The following IGSF10 variants were observed in gnomAD, a reference collection of about 807,000 sequenced individuals.
The protein encoded by IGSF10 is immunoglobulin superfamily member 10, also known as calvaria mechanical force protein 608.
In IGSF10, 126 loss-of-function variants were observed where a neutral mutation model predicts 128.2. The observed-to-expected ratio is 0.98, with a 90% CI of 0.85 to 1.14. The LOEUF (loss-of-function observed/expected upper bound fraction) is 1.14, where lower values mean the gene tolerates loss of function less well. Ranked by LOEUF, IGSF10 falls within the 50% of genes most tolerant of loss-of-function variation. The probability of loss-of-function intolerance (pLI) is 0.00; values close to 1 mark genes in which losing one functional copy is unlikely to be tolerated. For missense variants in IGSF10, 3,295 were observed against 3,149.8 expected (o/e 1.05, Z -1.10); for synonymous variants, 1,185 against 1,146.2 (o/e 1.03, Z -0.68).
the IGSF10 span, among the ~76,000 whole-genome samples, chr3:151,610,689 T>C: frequency 6.6e-6 from 1 of 152,154 alleles, no homozygotes; most frequent in Non-Finnish European, 1.5e-5. Flanking sequence ...AATTTATAAA[T>C]AGTAGAAATT....
downstream of IGSF10, chr3:151,432,858 T>C: frequency 7.4e-7 from 1 of 1,344,948 alleles, no homozygotes; most frequent in South Asian, 1.3e-5. Flanking sequence ...AAACAGAAAA[T>C]CAAATTTAAT....
the IGSF10 span, among the ~76,000 whole-genome samples, chr3:151,490,503 G>A: frequency 6.3e-5 from 4 of 63,214 alleles, no homozygotes; most frequent in South Asian, 1.2e-3. Flanking sequence ...AATTTGAACT[G>A]CATTTTTTTT....
rs778169220 is a variant in IGSF10, at chr3:151,436,674, C to CTT, written c.*13_*14dup. ...ATAAATTCTGCCCAGATGTTGTTGACTTTATTATTTCATGTCAGATTACTT... is the reference window on the plus strand; with the variant it reads ...ATAAATTCTGCCCAGATGTTGTTGACTTTTTATTATTTCATGTCAGATTACTT... On this transcript the variant is annotated 3_prime_UTR_variant, in exon 8 of 8. Transcript: ENST00000282466. The CTT allele has an allele frequency of 2.7e-5, 41 of 1,545,954 alleles. No homozygotes were observed. Among genetic ancestry groups the CTT allele is most frequent in the Non-Finnish European group, 3.5e-5 (40 of 1,140,862 alleles).
chr3:151,473,007 G>A, the IGSF10 span, among the ~76,000 whole-genome samples: 1 of 152,162 alleles, frequency 6.6e-6, no homozygotes, highest in Admixed American at 6.5e-5. Flanking sequence ...GAGACTTTAA[G>A]ATAAAGTTGA....
Position 151,442,884 on chromosome 3 carries a change from T to C in IGSF10, c.5963+100A>G, listed in dbSNP as rs926078194. Reference sequence around the variant, plus strand: ...TTATGTCCAAAGTCTATGTGTACTCTAAAACTGCTGCTAGCCTCACTGTGT... The same window carrying C: ...TTATGTCCAAAGTCTATGTGTACTCCAAAACTGCTGCTAGCCTCACTGTGT... On this transcript the variant is annotated intron_variant, in intron 7 of 7. Coordinates refer to ENST00000282466, the MANE Select transcript of IGSF10 (RefSeq NM_178822.5). The C allele has an allele frequency of 4.7e-6, 5 of 1,071,358 alleles. No homozygotes were observed. The African/African-American group carries it at 6.3e-5, about 14-fold the overall frequency. 66.4% of individuals were successfully genotyped at this position (1,071,358 alleles called of 1,614,324 possible).
intron 7 of IGSF10, 80 bp from the exon 8 acceptor site, chr3:151,438,677 G>T: frequency 9.4e-7 from 1 of 1,058,584 alleles, no homozygotes; most frequent in Non-Finnish European, 1.4e-6. Context: ...GCCTCCCTCT[G>T]CCCCAGCTTT....
chr3:151,496,020 G>A, the IGSF10 span, among the ~76,000 whole-genome samples: 3 of 152,102 alleles, frequency 2.0e-5, no homozygotes, highest in Non-Finnish European at 4.4e-5. Flanking sequence ...TGATACTCAT[G>A]TTCTATACAG....
At chr3:151,539,612 A>T in the IGSF10 span, among the ~76,000 whole-genome samples, 5 of 152,168 alleles carry the variant, frequency 3.3e-5, no homozygotes, top group Non-Finnish European at 7.3e-5. Context: ...AATGTGTCAT[A>T]GTCACTTGAA....
chr3:151,470,643 G>A, the IGSF10 span, among the ~76,000 whole-genome samples: 3 of 152,114 alleles, frequency 2.0e-5, no homozygotes, highest in Admixed American at 2.0e-4. Flanking sequence ...TAACAATCAG[G>A]CATTAGGAGT....
chr3:151,499,975 GT>G, the IGSF10 span, among the ~76,000 whole-genome samples: 2 of 152,136 alleles, frequency 1.3e-5, no homozygotes, highest in Non-Finnish European at 2.9e-5. Flanking sequence ...AGAAATTGTA[GT>G]GTAAACAAGA....
chr3:151,577,011 T>C, the IGSF10 span, among the ~76,000 whole-genome samples: 2 of 152,210 alleles, frequency 1.3e-5, no homozygotes, highest in African/African-American at 4.8e-5. Context: ...AATTCCTTCC[T>C]GCACAAAGCC....
At chr3:151,517,525 C>A in the IGSF10 span, among the ~76,000 whole-genome samples, 5 of 151,994 alleles carry the variant, frequency 3.3e-5, no homozygotes, top group East Asian at 9.7e-4. Context: ...GGTCTCCCTT[C>A]AACTGAAAAG....
chr3:151,609,116 G>T, the IGSF10 span, among the ~76,000 whole-genome samples: 1 of 152,070 alleles, frequency 6.6e-6, no homozygotes, highest in Admixed American at 6.6e-5. Flanking sequence ...GAGTTCTGAA[G>T]GTAAAATAAG....
the IGSF10 span, among the ~76,000 whole-genome samples, chr3:151,613,556 C>G: frequency 2.6e-4 from 39 of 152,040 alleles, 1 homozygote; most frequent in Admixed American, 1.2e-3. Flanking sequence ...ACAAACCTGA[C>G]AAAAACAAGC....
chr3:151,471,328 T>C, the IGSF10 span, among the ~76,000 whole-genome samples: 18 of 152,218 alleles, frequency 1.2e-4, no homozygotes, highest in African/African-American at 4.1e-4. Flanking sequence ...AGAATAATAC[T>C]TGTAGTGTCA....
intron 3 of IGSF10, among the ~76,000 whole-genome samples, chr3:151,457,448 TG>T (rs1294657263): frequency 6.6e-6 from 1 of 152,190 alleles, no homozygotes; most frequent in African/African-American, 2.4e-5. Context: ...GGAATGCCCT[TG>T]ACCTCACCTT....
At chr3:151,551,419 A>C in the IGSF10 span, among the ~76,000 whole-genome samples, 1 of 152,084 alleles carries the variant, frequency 6.6e-6, no homozygotes, top group African/African-American at 2.4e-5. Flanking sequence ...TTGGCCTTCT[A>C]TTTTTCATGT....
At chr3:151,515,757 G>A in the IGSF10 span, among the ~76,000 whole-genome samples, 2 of 150,528 alleles carry the variant, frequency 1.3e-5, no homozygotes, top group South Asian at 4.2e-4. Context: ...GTGTGTTTGT[G>A]TGTATGGTGA....
At chr3:151,576,661 T>C in the IGSF10 span, among the ~76,000 whole-genome samples, 3 of 152,316 alleles carry the variant, frequency 2.0e-5, no homozygotes, top group Non-Finnish European at 2.9e-5. Flanking sequence ...AAAGCACCTC[T>C]GGTCATCCTC....
Sources: allele counts gnomAD v4.1 joint callset (sites outside exome capture counted in the v4.1 genomes callset), GRCh38; gene constraint gnomAD v4.1.1; transcripts MANE v1.5; gene names NCBI Gene and HGNC (gene_info 2026-07-23, HGNC 2026-07-21).